The following RBMS3 variants were observed in gnomAD, a reference collection of about 807,000 sequenced individuals.
RBMS3 encodes RNA-binding motif, single-stranded-interacting protein 3.
Under a neutral mutation model 66.8 loss-of-function variants are expected in RBMS3, and 27 were observed. The ratio of observed to expected loss-of-function variants is 0.40; its 90% CI spans 0.30 to 0.56. The LOEUF (loss-of-function observed/expected upper bound fraction) is 0.56, where lower values mean the gene tolerates loss of function less well. Ranked by LOEUF, RBMS3 falls within the 20% of genes least tolerant of loss-of-function variation. The probability of loss-of-function intolerance (pLI) is 0.40; values close to 1 mark genes in which losing one functional copy is unlikely to be tolerated. For synonymous variants in RBMS3, 188 were observed against 183.0 expected (o/e 1.03, Z -0.22); for missense variants, 513 against 549.5 (o/e 0.93, Z 0.66).
At chr3:29,642,077 G>A (rs1297937613) in intron 4 of RBMS3, among the ~76,000 whole-genome samples, 1 of 152,056 alleles carries the variant, frequency 6.6e-6, no homozygotes, top group Non-Finnish European at 1.5e-5. Flanking sequence ...TTCACTTACT[G>A]AACATGCACG....
intron 2 of RBMS3, among the ~76,000 whole-genome samples, chr3:29,456,735 A>G (rs2042204615): frequency 6.6e-6 from 1 of 150,782 alleles, no homozygotes; most frequent in South Asian, 2.1e-4. Flanking sequence ...AAAAAATTAA[A>G]CTCTCATCTT....
intron 6 of RBMS3, among the ~76,000 whole-genome samples, chr3:29,866,407 C>T (rs1263101924): frequency 6.6e-6 from 1 of 152,140 alleles, no homozygotes; most frequent in East Asian, 1.9e-4. Flanking sequence ...AGCTGCCATC[C>T]CTCCTCACAA....
intron 3 of RBMS3, among the ~76,000 whole-genome samples, chr3:29,548,454 A>C (rs1310147175): frequency 7.6e-6 from 1 of 131,916 alleles, no homozygotes; most frequent in African/African-American, 2.6e-5. Context: ...ACAAACAAAA[A>C]ACAAAACGAC....
intron 3 of RBMS3, among the ~76,000 whole-genome samples, chr3:29,540,538 T>C (rs548195733): frequency 6.6e-6 from 1 of 152,304 alleles, no homozygotes; most frequent in South Asian, 2.1e-4. Flanking sequence ...TATATTGTTT[T>C]TCTGATCTGT....
At chr3:29,867,142 C>T (rs1349497634) in intron 6 of RBMS3, among the ~76,000 whole-genome samples, 2 of 152,014 alleles carry the variant, frequency 1.3e-5, no homozygotes, top group African/African-American at 4.8e-5. Flanking sequence ...TTTGATTGTA[C>T]TCTTTTTCCA....
intron 1 of RBMS3, among the ~76,000 whole-genome samples, chr3:29,300,951 A>G (rs2033630670): frequency 6.6e-6 from 1 of 152,004 alleles, no homozygotes; most frequent in South Asian, 2.1e-4. Context: ...GAGTAAGTAT[A>G]GATAGGGAAG....
chr3:29,489,394 C>T (rs1029553987), intron 3 of RBMS3, among the ~76,000 whole-genome samples: 41 of 152,098 alleles, frequency 2.7e-4, no homozygotes, highest in African/African-American at 8.4e-4. Flanking sequence ...AAACATTCCA[C>T]GTCTTCTATA....
At chr3:29,595,105 A>G (rs1341109995) in intron 4 of RBMS3, among the ~76,000 whole-genome samples, 1 of 152,152 alleles carries the variant, frequency 6.6e-6, no homozygotes, top group African/African-American at 2.4e-5. Context: ...TTTTCAACCT[A>G]TAAGAAATAT....
At chr3:29,736,526 T>A (rs1356295697) in intron 4 of RBMS3, among the ~76,000 whole-genome samples, 1 of 151,898 alleles carries the variant, frequency 6.6e-6, no homozygotes, top group Non-Finnish European at 1.5e-5. Flanking sequence ...GACAATGGCG[T>A]AGACTGTAAT....
At chr3:29,701,678 C>A (rs2052589085) in intron 4 of RBMS3, among the ~76,000 whole-genome samples, 1 of 152,116 alleles carries the variant, frequency 6.6e-6, no homozygotes, top group Non-Finnish European at 1.5e-5. Context: ...GAGAGGCTGG[C>A]CGGCGCCACC....
At chr3:29,392,893 G>T (rs2039367574) in intron 1 of RBMS3, among the ~76,000 whole-genome samples, 1 of 147,016 alleles carries the variant, frequency 6.8e-6, no homozygotes, top group African/African-American at 2.6e-5. Context: ...AGATGGCATA[G>T]TGTCTACAGA....
At chr3:29,698,142 T>C in intron 4 of RBMS3, 1 of 915,234 alleles carries the variant, frequency 1.1e-6, no homozygotes, top group Non-Finnish European at 1.3e-6. Context: ...GTGCCTACAT[T>C]CCAGTGAAAT....
intron 3 of RBMS3, among the ~76,000 whole-genome samples, chr3:29,583,161 T>A (rs9825821): frequency 0.078 from 11,826 of 152,010 alleles, 528 homozygotes; most frequent in Middle Eastern, 0.12. Flanking sequence ...TTCAGAGAAC[T>A]CTCAGGGTGT....
chr3:29,998,553 G>T lies in RBMS3; in HGVS notation c.1308-5303G>T, dbSNP rs1029523012. Among the ~76,000 whole-genome samples the T allele has an allele frequency of 6.7e-4, 102 of 152,280 alleles. 1 individual carries two copies. Among genetic ancestry groups the T allele is most frequent in the African/African-American group, 2.4e-3 (99 of 41,538 alleles). On this transcript the variant is annotated intron_variant, in intron 14 of 14. Transcript: ENST00000383767. Reference sequence around the variant, plus strand: ...ACAGTAACCAAAGCAGCATGGTACTGGTACCAAAACAGAGATACAGACCAA... The same window carrying T: ...ACAGTAACCAAAGCAGCATGGTACTTGTACCAAAACAGAGATACAGACCAA...
At chr3:29,516,981 G>A (rs1158005076) in intron 3 of RBMS3, among the ~76,000 whole-genome samples, 2 of 152,004 alleles carry the variant, frequency 1.3e-5, no homozygotes, top group Non-Finnish European at 2.9e-5. Flanking sequence ...GGGAGGTTGA[G>A]GCAGGTGGAT....
intron 6 of RBMS3, among the ~76,000 whole-genome samples, chr3:29,867,596 A>T (rs956178305): frequency 2.7e-5 from 4 of 149,312 alleles, no homozygotes; most frequent in African/African-American, 9.9e-5. Context: ...GCATGTTCAC[A>T]TATCCATGCA....
chr3:29,873,058 G>T (rs149237622), intron 7 of RBMS3, among the ~76,000 whole-genome samples: 3,267 of 152,166 alleles, frequency 0.021, 64 homozygotes, highest in Admixed American at 0.031. Flanking sequence ...TTCTGCTTAG[G>T]ATTGCCTTGG....
At chr3:29,469,022 T>C (rs1455620256) in intron 2 of RBMS3, among the ~76,000 whole-genome samples, 2 of 152,162 alleles carry the variant, frequency 1.3e-5, no homozygotes, top group African/African-American at 4.8e-5. Context: ...ACATTTGTTC[T>C]TTCTAAAAAT....
chr3:29,712,566 G>C (rs528104573), intron 4 of RBMS3, among the ~76,000 whole-genome samples: 3 of 152,218 alleles, frequency 2.0e-5, no homozygotes, highest in Admixed American at 6.5e-5. Flanking sequence ...GCCCACCTCG[G>C]ACTCCCAAAG....
Sources: allele counts gnomAD v4.1 joint callset (sites outside exome capture counted in the v4.1 genomes callset), GRCh38; gene constraint gnomAD v4.1.1; transcripts MANE v1.5; gene names NCBI Gene and HGNC (gene_info 2026-07-23, HGNC 2026-07-21).